The following IFT172 variants were observed in gnomAD, a reference collection of about 807,000 sequenced individuals.
The protein encoded by IFT172 is intraflagellar transport protein 172 homolog.
IFT172 carries 164 observed loss-of-function variants against 248.9 expected under a neutral mutation model. That is an observed-to-expected ratio of 0.66 (90% CI 0.58 to 0.75). IFT172 has a LOEUF of 0.75. Ranked by LOEUF, IFT172 falls within the 30% of genes least tolerant of loss-of-function variation. IFT172 has a pLI of 0.00. For missense variants in IFT172, 1,950 were observed against 2,192.4 expected, an observed-to-expected ratio of 0.89 and a Z score of 2.21; for synonymous variants, 729 against 791.6, an observed-to-expected ratio of 0.92 and a Z score of 1.33.
At chr2:27,456,804 G>T in intron 29 of IFT172, 151 bp from the exon 30 acceptor site, 6 of 1,139,910 alleles carry the variant, frequency 5.3e-6, no homozygotes, top group Non-Finnish European at 7.2e-6. Flanking sequence ...CAGCATTTTG[G>T]GAGGCCGAGG....
Position 27,445,496 on chromosome 2 carries a change from G to T in IFT172, c.4915-47C>A. The T allele has an allele frequency of 6.3e-7, 1 of 1,575,400 alleles. No individual in the cohort carries two copies. The highest frequency in any genetic ancestry group is 1.2e-5 in the South Asian group (1 of 86,376). The stretch of plus-strand genomic sequence containing the variant: ...TGGTAGCTTCACACAGGGCAGGGCA[G>T]GACAAGTTGGGGTGGATGGGTGAGG... On this transcript the variant is annotated intron_variant, in intron 45 of 47. Transcript: ENST00000260570. This position sits in a 1 kb window ranked among gnomAD's most constrained non-coding sequence, Gnocchi z 4.4.
rs1157302608 is a variant in IFT172, at chr2:27,459,731, T to C, written c.2620A>G (p.Ile874Val). 6.2e-7 allele frequency: 1 copy of C among 1,612,992 alleles called. No individual in the cohort carries two copies. Among genetic ancestry groups the C allele is most frequent in the Non-Finnish European group, 8.5e-7 (1 of 1,180,026 alleles). ...TACCTGGCTTCGATGTAGTGATTAA[T>C]GGCTGCATCAAGCTGCTTCTGCTGC... ...LVQQKQLDAAINHYIEARCSI... is the reference protein window; with the variant it reads ...LVQQKQLDAAVNHYIEARCSI... The change falls in exon 24 of 48, where the codon ATT becomes GTT. Residue 874 changes from isoleucine to valine, a missense_variant. Ile to Val is a conservative substitution (Grantham distance 29). Around this residue, in one of 3 missense-constraint regions of IFT172, gnomAD observed 1,166 missense variants for 1,254.1 expected, o/e 0.93. Coordinates refer to ENST00000260570, the MANE Select transcript of IFT172 (RefSeq NM_015662.3).
chr2:27,452,056 AT>A (rs1665726060), intron 35 of IFT172, among the ~76,000 whole-genome samples: 1 of 148,332 alleles, frequency 6.7e-6, no homozygotes, highest in Non-Finnish European at 1.5e-5. Context: ...GTATCCGGGT[AT>A]TTGGTCAAAC....
chr2:27,477,086 A>C, intron 13 of IFT172, 131 bp downstream of exon 13: 1 of 797,128 alleles, frequency 1.3e-6, no homozygotes, highest in South Asian at 1.6e-5. Context: ...CCTCCTCCCA[A>C]AGTGCTGGGA....
At position 27,485,430 on chromosome 2, in the gene IFT172, C is replaced by T. The variant is rs552861632; in HGVS notation, c.113G>A (p.Arg38Gln). 5.2e-5 allele frequency: 84 copies of T among 1,614,180 alleles called. 2 individuals carry two copies. In the Middle Eastern group the frequency reaches 8.3e-4, roughly 16 times the overall value. Residue 38 changes from arginine (R) to glutamine (Q), a missense_variant, in exon 2 of 48, where the codon CGA (arginine) becomes CAA (glutamine). Physicochemically the swap from Arg to Gln is conservative, Grantham distance 43. This residue lies in a region of IFT172 where 1,166 missense variants were observed against 1,254.1 expected (regional missense o/e 0.93). Transcript: ENST00000260570. ...NAKFAVCTVDRVVLLYDEHGE... is the reference protein window; with the variant it reads ...NAKFAVCTVDQVVLLYDEHGE... ...ATGTTCATCATACAGCAAGACCACT[C>T]GGTCCACTGTGCAGACAGCAAATTT...
chr2:27,461,078 CAA>C lies in IFT172; in HGVS notation c.2456_2457del (p.Phe819Ter), dbSNP rs768465966. ...GCCTTCTGTGGATTGTGAATCTTCT[CAA>C]AGAGATCACCTGCCTGTTAACACAT... is the stretch of plus-strand genomic sequence containing the variant. ...GELYERAGDLFEKIHNPQKAL... is the reference protein window; with the variant it reads ...GELYERAGDLXEKIHNPQKAL... On this transcript the variant is annotated frameshift_variant, in exon 23 of 48. Transcript: ENST00000260570. LOFTEE classifies it high-confidence loss of function. 1.9e-6 allele frequency: 3 copies of C among 1,614,072 alleles called. No homozygotes were observed. The Admixed American group carries it at 5.0e-5, about 27-fold the overall frequency.
At chr2:27,486,753 C>A (rs1451121752) in intron 1 of IFT172, among the ~76,000 whole-genome samples, 1 of 152,168 alleles carries the variant, frequency 6.6e-6, no homozygotes. Context: ...GGCATTCAGC[C>A]CTACCTGCAT....
At chr2:27,480,189 G>A (rs1190299120) in intron 8 of IFT172, 40 bp from the exon 9 acceptor site, 12 of 1,585,896 alleles carry the variant, frequency 7.6e-6, no homozygotes, top group African/African-American at 1.4e-5. Context: ...GATTGAGGCT[G>A]AGCTAAAGAG....
chr2:27,449,398 A>G lies in IFT172; in HGVS notation c.4225-18T>C. On this transcript the variant is annotated intron_variant, in intron 38 of 47. Coordinates refer to ENST00000260570, the MANE Select transcript of IFT172 (RefSeq NM_015662.3). Reference sequence around the variant, plus strand: ...CCCACCAGCTGGGTCAATGGAAGACAGAGTTACAAGAGAAAAGAGATGACA... The same window carrying G: ...CCCACCAGCTGGGTCAATGGAAGACGGAGTTACAAGAGAAAAGAGATGACA... 2 of 1,614,168 alleles carry G rather than the reference A, an allele frequency of 1.2e-6. No individual in the cohort carries two copies. The highest frequency in any genetic ancestry group is 1.7e-6 in the Non-Finnish European group (2 of 1,180,016).
chr2:27,485,650 T>C (rs919748777), intron 1 of IFT172, 147 bp from the exon 2 acceptor site: 5 of 917,384 alleles, frequency 5.5e-6, no homozygotes, highest in Non-Finnish European at 8.1e-6. Flanking sequence ...CTGTGGCCCA[T>C]GCTGGTCTCC....
intron 41 of IFT172, 78 bp downstream of exon 41, chr2:27,447,734 A>T (rs1572717090): frequency 1.2e-6 from 2 of 1,604,330 alleles, no homozygotes; most frequent in Non-Finnish European, 1.7e-6. Context: ...GGTAAAATAC[A>T]TCTGAGAATA....
Position 27,444,864 on chromosome 2 carries a change from G to T in IFT172, c.5160+150C>A, listed in dbSNP as rs1572705982. The T allele has an allele frequency of 2.7e-5, 22 of 801,392 alleles. No individual in the cohort carries two copies. The East Asian group carries it at 5.6e-4, about 20-fold the overall frequency. The allele number at this position is 801,392 out of a possible 1,614,324, so 49.6% of individuals were successfully genotyped here. ...GGTTTTAACCATGTTGGCCAGGCTG[G>T]TCTCAAACTCCTGACCTCAGGTGAT... is the stretch of plus-strand genomic sequence containing the variant. On this transcript the variant is annotated intron_variant, in intron 47 of 47. Coordinates refer to ENST00000260570, the MANE Select transcript of IFT172 (RefSeq NM_015662.3).
intron 22 of IFT172, 84 bp from the exon 23 acceptor site, chr2:27,461,177 G>A (rs1452241514): frequency 1.2e-6 from 2 of 1,613,064 alleles, no homozygotes; most frequent in Non-Finnish European, 8.5e-7. Context: ...AACACCAGCA[G>A]TCAGGAAGCG....
intron 3 of IFT172, 57 bp downstream of exon 3, chr2:27,484,961 T>C: frequency 9.9e-7 from 1 of 1,013,246 alleles, no homozygotes; most frequent in Non-Finnish European, 1.6e-6. Context: ...AGTGAGGCAT[T>C]TCTCTTGCCT....
chr2:27,444,865 T>C, intron 47 of IFT172, 149 bp downstream of exon 47: 2 of 808,756 alleles, frequency 2.5e-6, no homozygotes, highest in East Asian at 5.3e-5. Flanking sequence ...GCCAGGCTGG[T>C]CTCAAACTCC....
rs73921544 is a variant in IFT172 at position 27,485,726 on chromosome 2, G to C, written c.40-223C>G. Among the ~76,000 whole-genome samples, 287 of 152,326 alleles carry C rather than the reference G, an allele frequency of 1.9e-3. 1 individual carries two copies. Among genetic ancestry groups the C allele is most frequent in the African/African-American group, 6.3e-3 (260 of 41,578 alleles). On this transcript the variant is annotated intron_variant, in intron 1 of 47. Transcript: ENST00000260570. ...AGAGACTCATATGCAAATGCACTAA[G>C]AGGCAGGGTGCTAAGTCAACTGTAT...
In IFT172 at chr2:27,459,399, A is replaced by AT. The variant is rs750338419; in HGVS notation, c.2765dup (p.Tyr922Ter). The change falls in exon 25 of 48, where the codon TAT (tyrosine) becomes TAAT (stop). Residue 922 changes from tyrosine (Y) to a stop codon, truncating the protein, a stop_gained and frameshift_variant. Coordinates refer to ENST00000260570, the MANE Select transcript of IFT172 (RefSeq NM_015662.3). LOFTEE classifies it high-confidence loss of function. Reference protein sequence around the residue: ...SKYYPLVAQHYASLQEYEIAE... With the variant: ...SKYYPLVAQH ...TCACCTCATACTCCTGCAGGGATGC[A>AT]TAGTGTTGGGCCACGAGAGGATAGT... is the stretch of plus-strand genomic sequence containing the variant. 48 of 1,614,182 alleles carry AT rather than the reference A, an allele frequency of 3.0e-5. No individual in the cohort carries two copies. The highest frequency in any genetic ancestry group is 4.0e-5 in the Non-Finnish European group (47 of 1,180,026).
chr2:27,452,734 G>A (rs1665782595), intron 35 of IFT172, among the ~76,000 whole-genome samples: 1 of 152,218 alleles, frequency 6.6e-6, no homozygotes, highest in South Asian at 2.1e-4. Context: ...ATCACCTCAA[G>A]GGATCCACCC....
intron 16 of IFT172, among the ~76,000 whole-genome samples, chr2:27,468,119 C>A (rs1667253189): frequency 6.7e-6 from 1 of 149,842 alleles, no homozygotes; most frequent in African/African-American, 2.5e-5. Context: ...AAGATTGTGC[C>A]ACTGCACTCC....
Sources: gnomAD v4.1 joint callset for allele counts (sites outside exome capture counted in the v4.1 genomes callset) on GRCh38, gnomAD v4.1.1 for gene constraint, gnomAD v4.1.1 regional missense constraint, Gnocchi (gnomAD v3.1) non-coding constraint, MANE v1.5 for transcripts, NCBI Gene and HGNC (gene_info 2026-07-23, HGNC 2026-07-21) for gene names.